Variants in GALC observed in about 807,000 individuals in gnomAD.
The protein encoded by GALC is galactosylceramidase, also known as galactocerebrosidase.
Under a neutral mutation model 91.8 loss-of-function variants are expected in GALC, and 77 were observed. That is an observed-to-expected ratio of 0.84 (90% CI 0.70 to 1.01). GALC has a LOEUF of 1.01. Among genes scored for constraint, GALC ranks in the 50% least tolerant of loss-of-function variants. GALC has a pLI of 0.00. For synonymous variants in GALC, 357 were observed against 306.7 expected (o/e 1.16, Z -1.71); for missense variants, 882 against 855.9 (o/e 1.03, Z -0.38).
chr14:87,975,165 A>G (rs1886442959), intron 7 of GALC, among the ~76,000 whole-genome samples: 1 of 152,078 alleles, frequency 6.6e-6, no homozygotes, highest in Non-Finnish European at 1.5e-5. Flanking sequence ...AATTTCAAAA[A>G]CCATTGAAAA....
chr14:87,986,440 A>G (rs749037804), intron 4 of GALC, 49 bp downstream of exon 4: 4 of 1,155,556 alleles, frequency 3.5e-6, no homozygotes, highest in Non-Finnish European at 5.2e-6. Context: ...CAGAATTTAA[A>G]AGTTAAAGGA....
At chr14:87,949,070 C>T (rs917582523) in intron 12 of GALC, among the ~76,000 whole-genome samples, 3 of 152,074 alleles carry the variant, frequency 2.0e-5, no homozygotes, top group Middle Eastern at 3.4e-3. Flanking sequence ...TAGGTAAGCA[C>T]ATGGCCCTAG....
At chr14:87,965,034 C>G (rs903975995) in intron 9 of GALC, among the ~76,000 whole-genome samples, 2 of 152,100 alleles carry the variant, frequency 1.3e-5, no homozygotes, top group African/African-American at 4.8e-5. Flanking sequence ...TTCATATTTA[C>G]TTATTCATTT....
At chr14:87,951,893 G>A (rs552041637) in intron 10 of GALC, among the ~76,000 whole-genome samples, 1 of 151,920 alleles carries the variant, frequency 6.6e-6, no homozygotes, top group South Asian at 2.1e-4. Context: ...AAGGATTTGA[G>A]AGTTCAGCTT....
chr14:87,950,561 G>T (rs1885259828), intron 11 of GALC, 98 bp downstream of exon 11: 2 of 773,834 alleles, frequency 2.6e-6, no homozygotes, highest in East Asian at 5.5e-5. Flanking sequence ...ACTGTTAAAA[G>T]TTCATAATAT....
upstream of GALC, chr14:87,993,498 A>G (rs1887335060): frequency 1.3e-6 from 2 of 1,534,198 alleles, no homozygotes; most frequent in Non-Finnish European, 8.7e-7. Flanking sequence ...CTTCCCCAGC[A>G]TCTCAGGGAG....
chr14:87,988,514 G>T lies in GALC; in HGVS notation c.205C>A (p.Arg69=). Residue 69 remains arginine, a synonymous_variant, in exon 2 of 17, where the codon CGA becomes AGA. Transcript: ENST00000261304. ...GAVSGGGATS[R]LLVNYPEPYR... is the part of the protein sequence containing the mutation. ...GGCTCTGGGTAATTTACTAGAAGTC[G>T]GGAGGTTGCCTAAAAAAAAAAGTTT... The T allele has an allele frequency of 1.2e-6, 2 of 1,611,210 alleles. No individual in the cohort carries two copies. The highest frequency in any genetic ancestry group is 2.2e-5 in the East Asian group (1 of 44,848).
chr14:87,984,275 T>A, intron 5 of GALC, 119 bp downstream of exon 5: 3 of 952,036 alleles, frequency 3.2e-6, no homozygotes, highest in Non-Finnish European at 4.7e-6. Context: ...CAGACACCAT[T>A]AGAACAAATT....
Position 87,934,550 on chromosome 14 carries a change from A to G in GALC, c.*182T>C. The G allele has an allele frequency of 6.8e-7, 1 of 1,462,124 alleles. No homozygotes were observed. Among genetic ancestry groups the G allele is most frequent in the South Asian group, 1.4e-5 (1 of 70,334 alleles). 90.6% of individuals were successfully genotyped at this position (1,462,124 alleles called of 1,614,324 possible). A position where few individuals can be genotyped will look rare whatever the true frequency, so the allele number is the denominator to read the frequency against. On this transcript the variant is annotated 3_prime_UTR_variant, in exon 17 of 17. Transcript: ENST00000261304. The stretch of plus-strand genomic sequence containing the variant: ...AAGATTCACCAGTTTTCCCCTTGGA[A>G]TTAATTCTAATAAAATCTTCCACAG...
chr14:87,974,407 G>A (rs1197379101), intron 7 of GALC, among the ~76,000 whole-genome samples: 1 of 152,110 alleles, frequency 6.6e-6, no homozygotes, highest in African/African-American at 2.4e-5. Flanking sequence ...ACATTCATCA[G>A]TATTTACATA....
At chr14:87,991,549 A>G (rs1191370589) in intron 1 of GALC, among the ~76,000 whole-genome samples, 4 of 152,194 alleles carry the variant, frequency 2.6e-5, no homozygotes, top group African/African-American at 9.7e-5. Flanking sequence ...CCTCTCTGAC[A>G]TGAAGATTAA....
At chr14:87,980,634 G>A (rs17797969) in intron 6 of GALC, 1 of 259,210 alleles carries the variant, frequency 3.9e-6, no homozygotes, top group East Asian at 1.8e-4. Flanking sequence ...TCAACCCAGG[G>A]AGAGGTGTCA....
chr14:87,976,710 G>A (rs550183281), intron 6 of GALC: 68 of 443,698 alleles, frequency 1.5e-4, no homozygotes, highest in Non-Finnish European at 2.4e-4. Context: ...TGCCTCCAGG[G>A]CTCAAATGAT....
intron 14 of GALC, among the ~76,000 whole-genome samples, chr14:87,942,120 C>T (rs1249366803): frequency 6.6e-6 from 1 of 152,004 alleles, no homozygotes; most frequent in Non-Finnish European, 1.5e-5. Flanking sequence ...AGGAGGGCTT[C>T]TCACACCTGA....
intron 16 of GALC, among the ~76,000 whole-genome samples, chr14:87,938,569 A>G (rs1884691831): frequency 6.6e-6 from 1 of 152,026 alleles, no homozygotes; most frequent in African/African-American, 2.4e-5. Flanking sequence ...GGGCAAAAGG[A>G]TAGTCCATTG....
rs763795962 is a variant in GALC, at chr14:87,993,127, C to A, written c.38G>T (p.Arg13Leu). ...CGCGGCCGCAGTCATAGCTTTCGCT[C>A]GGCGTTGCCAGGAAGCCGAGAGTAG... Reference protein sequence around the residue: ...EWLLSASWQRRAKAMTAAAGS... With the variant: ...EWLLSASWQRLAKAMTAAAGS... Residue 13 changes from arginine (R) to leucine (L), a missense_variant, in exon 1 of 17, where the codon CGA becomes CTA. Physicochemically the swap from Arg to Leu is moderately radical, Grantham distance 102. Transcript: ENST00000261304. The A allele has an allele frequency of 2.3e-5, 37 of 1,585,270 alleles. No homozygotes were observed. The highest frequency in any genetic ancestry group is 2.9e-5 in the Non-Finnish European group (34 of 1,166,990).
At chr14:87,984,151 A>G (rs868055133) in intron 5 of GALC, among the ~76,000 whole-genome samples, 1 of 148,822 alleles carries the variant, frequency 6.7e-6, no homozygotes, top group African/African-American at 2.5e-5. Context: ...AAAAAAAAAA[A>G]AACCCAGCTC....
intron 6 of GALC, among the ~76,000 whole-genome samples, chr14:87,979,403 A>G (rs139566488): frequency 1.7e-3 from 256 of 152,334 alleles, no homozygotes; most frequent in African/African-American, 5.8e-3. Context: ...CACAAAGTAA[A>G]AAGTTTTTGT....
chr14:87,959,442 G>T (rs1885704893), intron 10 of GALC: 1 of 152,166 alleles, frequency 6.6e-6, no homozygotes, highest in Non-Finnish European at 1.5e-5. Context: ...AATAGGCGGG[G>T]CACGTGGTGG....
Sources: allele counts gnomAD v4.1 joint callset (sites outside exome capture counted in the v4.1 genomes callset), GRCh38; gene constraint gnomAD v4.1.1; transcripts MANE v1.5; gene names NCBI Gene and HGNC (gene_info 2026-07-23, HGNC 2026-07-21).